Variants in PCDH9 observed in about 807,000 individuals in gnomAD.
The protein encoded by PCDH9 is protocadherin-9.
Under a neutral mutation model 70.6 loss-of-function variants are expected in PCDH9, and 24 were observed. The ratio of observed to expected loss-of-function variants is 0.34; its 90% CI spans 0.25 to 0.48. PCDH9 has a LOEUF of 0.48. PCDH9 is among the 20% of genes least tolerant of loss of function. The probability of loss-of-function intolerance (pLI) is 0.99; values close to 1 mark genes in which losing one functional copy is unlikely to be tolerated. For missense variants in PCDH9, 1,281 were observed against 1,503.6 expected (o/e 0.85, Z 2.45); for synonymous variants, 562 against 558.5 (o/e 1.01, Z -0.09).
chr13:67,173,535 G>GTT lies in PCDH9; in HGVS notation c.3036+51869_3036+51870insAA, dbSNP rs1353991212. 3.3e-5 allele frequency among the ~76,000 whole-genome samples: 5 copies of GTT among 152,122 alleles called. No homozygotes were observed. In the East Asian group the frequency reaches 9.6e-4, roughly 29 times the overall value. Reference sequence around the variant, plus strand: ...TGGCCTCACTGCAGGAGTTTCACAAGATGGAAAATTCACTTAGGCTACCTG... The same window carrying GTT: ...TGGCCTCACTGCAGGAGTTTCACAAGTTATGGAAAATTCACTTAGGCTACCTG... On this transcript the variant is annotated intron_variant, in intron 2 of 4. Coordinates refer to ENST00000377865, the MANE Select transcript of PCDH9 (RefSeq NM_203487.3).
chr13:67,144,648 A>C (rs909593335), intron 2 of PCDH9, among the ~76,000 whole-genome samples: 14 of 152,168 alleles, frequency 9.2e-5, no homozygotes, highest in African/African-American at 3.1e-4. Context: ...TCACTACTAA[A>C]GAATGCTAAT....
rs1369480082 is a variant in PCDH9, at chr13:66,642,883, A to G, written c.3139-11472T>C. 3.3e-5 allele frequency among the ~76,000 whole-genome samples: 5 copies of G among 152,014 alleles called. No individual in the cohort carries two copies. In the East Asian group the frequency reaches 9.6e-4, roughly 29 times the overall value. On this transcript the variant is annotated intron_variant, in intron 3 of 4. Coordinates refer to ENST00000377865, the MANE Select transcript of PCDH9 (RefSeq NM_203487.3). ...TGAAGGACAGCACTTATTTAAATGC[A>G]TAATTTCTGTTCTTTAAATAAAGAT...
At chr13:66,495,987 C>G (rs1001218142) in intron 4 of PCDH9, among the ~76,000 whole-genome samples, 1 of 152,252 alleles carries the variant, frequency 6.6e-6, no homozygotes, top group Non-Finnish European at 1.5e-5. Flanking sequence ...ATGTGCTTTA[C>G]TTGTTTAAAC....
At chr13:66,999,213 TA>T (rs1258882040) in intron 2 of PCDH9, among the ~76,000 whole-genome samples, 6 of 152,190 alleles carry the variant, frequency 3.9e-5, no homozygotes, top group Non-Finnish European at 8.8e-5. Context: ...AAATGTCATT[TA>T]ATATCTAAAT....
intron 2 of PCDH9, among the ~76,000 whole-genome samples, chr13:66,964,996 A>T (rs983797202): frequency 6.6e-6 from 1 of 152,038 alleles, no homozygotes; most frequent in African/African-American, 2.4e-5. Context: ...GTTTTTGCAC[A>T]TTTTGGAGAA....
intron 3 of PCDH9, among the ~76,000 whole-genome samples, chr13:66,899,677 T>C (rs569494445): frequency 1.3e-4 from 20 of 152,070 alleles, no homozygotes; most frequent in African/African-American, 4.8e-4. Context: ...TGAAATATAA[T>C]AGAAACAAAG....
chr13:67,133,746 G>A (rs1363832312), intron 2 of PCDH9, among the ~76,000 whole-genome samples: 1 of 151,836 alleles, frequency 6.6e-6, no homozygotes, highest in Non-Finnish European at 1.5e-5. Context: ...GAAATGAAAG[G>A]TTATTAAAAA....
intron 4 of PCDH9, among the ~76,000 whole-genome samples, chr13:66,368,294 G>C (rs900128721): frequency 6.6e-6 from 1 of 151,826 alleles, no homozygotes; most frequent in Admixed American, 6.6e-5. Context: ...AAGAGATACA[G>C]CCAAAATGTG....
chr13:66,583,782 T>C (rs887083095), intron 4 of PCDH9, among the ~76,000 whole-genome samples: 5 of 152,204 alleles, frequency 3.3e-5, no homozygotes, highest in African/African-American at 1.2e-4. Flanking sequence ...TGTAAGAAGA[T>C]TTTTTGTTTC....
chr13:67,117,695 G>A (rs2086804100), intron 2 of PCDH9, among the ~76,000 whole-genome samples: 1 of 152,090 alleles, frequency 6.6e-6, no homozygotes, highest in South Asian at 2.1e-4. Context: ...CTTATCTGAG[G>A]TAATAATATA....
intron 4 of PCDH9, among the ~76,000 whole-genome samples, chr13:66,530,912 A>T (rs1026290552): frequency 2.0e-5 from 3 of 151,896 alleles, no homozygotes; most frequent in African/African-American, 7.2e-5. Flanking sequence ...GACTTTTACC[A>T]CTGATTTTCT....
Position 66,696,544 on chromosome 13 carries a change from A to G in PCDH9, c.3139-65133T>C, listed in dbSNP as rs113237367. 6.4e-3 allele frequency among the ~76,000 whole-genome samples: 981 copies of G among 152,308 alleles called. 8 individuals carry two copies. Among genetic ancestry groups the G allele is most frequent in the African/African-American group, 0.022 (910 of 41,564 alleles). On this transcript the variant is annotated intron_variant, in intron 3 of 4. Transcript: ENST00000377865. ...TTTCACTGGGTCCTCTACATGATAT[A>G]TCTCAGTTTATGTCCACACAAACCA... is the stretch of plus-strand genomic sequence containing the variant.
chr13:66,589,554 C>G lies in PCDH9; in HGVS notation c.3340+41656G>C, dbSNP rs548890460. Among the ~76,000 whole-genome samples, 388 of 152,030 alleles carry G rather than the reference C, an allele frequency of 2.6e-3. 12 individuals carry two copies. Among genetic ancestry groups the G allele is most frequent in the Non-Finnish European group, 2.9e-3 (196 of 67,966 alleles). On this transcript the variant is annotated intron_variant, in intron 4 of 4. Transcript: ENST00000377865. ...CTCATGAATATTAAAATATTAATTACAAAATAGCTATATGGGATAGTCATA... is the reference window on the plus strand; with the variant it reads ...CTCATGAATATTAAAATATTAATTAGAAAATAGCTATATGGGATAGTCATA...
intron 4 of PCDH9, among the ~76,000 whole-genome samples, chr13:66,491,385 TTGTGTGTGTGTGTGTG>T (rs71106974): frequency 2.3e-4 from 31 of 136,132 alleles, no homozygotes; most frequent in Middle Eastern, 3.8e-3. Flanking sequence ...GCAGGAGATA[TTGTGTGTGTGTGTGTG>T]TGTGTGTGTG....
chr13:66,878,167 G>A (rs2139528774), intron 3 of PCDH9, among the ~76,000 whole-genome samples: 1 of 152,124 alleles, frequency 6.6e-6, no homozygotes, highest in East Asian at 1.9e-4. Context: ...AATTCATGAA[G>A]AGGTTAAATG....
intron 4 of PCDH9, among the ~76,000 whole-genome samples, chr13:66,609,431 C>T (rs2138866005): frequency 6.6e-6 from 1 of 152,114 alleles, no homozygotes; most frequent in Non-Finnish European, 1.5e-5. Context: ...CTACAGGTTA[C>T]CACTATTATA....
rs56280836 is a variant in PCDH9, at chr13:66,681,950, C to CATAT, written c.3139-50543_3139-50540dup. The stretch of plus-strand genomic sequence containing the variant: ...CTGGGTACATATGAGTATATACAAA[C>CATAT]ATATATATATATATATATTTGAGAG... On this transcript the variant is annotated intron_variant, in intron 3 of 4. Transcript: ENST00000377865. 1.1e-3 allele frequency among the ~76,000 whole-genome samples: 138 copies of CATAT among 130,376 alleles called. 2 individuals are homozygous for CATAT. Among genetic ancestry groups the CATAT allele is most frequent in the South Asian group, 4.7e-3 (19 of 4,060 alleles). 85.5% of individuals were successfully genotyped at this position (130,376 alleles called of 152,430 possible). A position where few individuals can be genotyped will look rare whatever the true frequency, so the allele number is the denominator to read the frequency against.
At chr13:67,169,045 G>A (rs1025580556) in intron 2 of PCDH9, among the ~76,000 whole-genome samples, 6 of 152,254 alleles carry the variant, frequency 3.9e-5, no homozygotes, top group African/African-American at 1.2e-4. Flanking sequence ...ATATTCATGG[G>A]ACATCACAAA....
intron 2 of PCDH9, among the ~76,000 whole-genome samples, chr13:67,079,688 T>C (rs1429883976): frequency 6.6e-6 from 1 of 152,208 alleles, no homozygotes; most frequent in Non-Finnish European, 1.5e-5. Context: ...TCCATTAATG[T>C]AGCCAGACCT....
Sources: allele counts gnomAD v4.1 joint callset (sites outside exome capture counted in the v4.1 genomes callset), GRCh38; gene constraint gnomAD v4.1.1; transcripts MANE v1.5; gene names NCBI Gene and HGNC (gene_info 2026-07-23, HGNC 2026-07-21).